GRIK2: variants seen among roughly 807,000 people sequenced by gnomAD.
GRIK2 encodes the protein glutamate ionotropic receptor kainate type subunit 2.
In GRIK2, 32 loss-of-function variants were observed where a neutral mutation model predicts 100.3. That is an observed-to-expected ratio of 0.32 (90% confidence interval 0.24 to 0.43). The LOEUF (loss-of-function observed/expected upper bound fraction) is 0.43. GRIK2 is among the 20% of genes least tolerant of loss of function. The pLI is 1.00. For synonymous variants in GRIK2, 417 were observed against 389.4 expected (o/e 1.07, Z -0.83); for missense variants, 843 against 1,114.9 (o/e 0.76, Z 3.47).
chr6:101,893,077 TA>T (rs924673810), intron 12 of GRIK2, among the ~76,000 whole-genome samples: 1 of 151,312 alleles, frequency 6.6e-6, no homozygotes, highest in Non-Finnish European at 1.5e-5. Context: ...CTTTGTAATT[TA>T]AATGGAATCA....
chr6:101,740,438 A>G (rs1775949504), intron 7 of GRIK2, among the ~76,000 whole-genome samples: 1 of 152,140 alleles, frequency 6.6e-6, no homozygotes, highest in Non-Finnish European at 1.5e-5. Context: ...GAAAAGGGGG[A>G]GAGGAGAACT....
rs186363928 is a variant in GRIK2 at position 101,600,260 on chromosome 6, T to C, written c.116-21689T>C. On this transcript the variant is annotated intron_variant, in intron 2 of 16. Coordinates refer to ENST00000369134, the MANE Select transcript of GRIK2 (RefSeq NM_021956.5). Reference sequence around the variant, plus strand: ...CTCCGTTCTTTTCCACTGGTCTTTGTGGCTGATTTTGTTCCAGTACCATGC... The same window carrying C: ...CTCCGTTCTTTTCCACTGGTCTTTGCGGCTGATTTTGTTCCAGTACCATGC... 2.6e-3 allele frequency among the ~76,000 whole-genome samples: 396 copies of C among 151,988 alleles called. 1 individual carries two copies. The highest frequency in any genetic ancestry group is 8.9e-3 in the African/African-American group (371 of 41,526).
At chr6:101,751,252 C>A (rs1234744158) in intron 7 of GRIK2, among the ~76,000 whole-genome samples, 2 of 148,224 alleles carry the variant, frequency 1.3e-5, no homozygotes, top group African/African-American at 2.5e-5. Context: ...TTCTAAATTT[C>A]TTTTTTTTTT....
At chr6:101,876,735 G>A (rs986825947) in intron 11 of GRIK2, among the ~76,000 whole-genome samples, 1 of 151,836 alleles carries the variant, frequency 6.6e-6, no homozygotes, top group African/African-American at 2.4e-5. Flanking sequence ...CTGGATGACT[G>A]CCAGAAATAG....
chr6:101,739,118 C>G lies in GRIK2; in HGVS notation c.951+52765C>G, dbSNP rs145246806. Among the ~76,000 whole-genome samples the G allele has an allele frequency of 2.0e-5, 3 of 152,254 alleles. No individual in the cohort carries two copies. In the East Asian group the frequency reaches 5.8e-4, roughly 29 times the overall value. ...TGATTAAATTATTTCTGGTTCTTGA[C>G]TATTTACAAAATGTCACAGTCACAG... On this transcript the variant is annotated intron_variant, in intron 7 of 16. Transcript: ENST00000369134.
intron 2 of GRIK2, among the ~76,000 whole-genome samples, chr6:101,598,710 C>A (rs1779049833): frequency 6.6e-6 from 1 of 150,546 alleles, no homozygotes; most frequent in Admixed American, 6.6e-5. Context: ...AGGACCACCA[C>A]AAGGAATTCA....
chr6:102,035,604 A>C, intron 15 of GRIK2, 38 bp downstream of exon 15: 1 of 1,237,264 alleles, frequency 8.1e-7, no homozygotes, highest in Non-Finnish European at 1.2e-6. Flanking sequence ...TTGTTCATTA[A>C]TCTGAGTTGC....
intron 7 of GRIK2, among the ~76,000 whole-genome samples, chr6:101,735,865 A>G (rs1246923053): frequency 6.6e-6 from 1 of 152,216 alleles, no homozygotes; most frequent in Non-Finnish European, 1.5e-5. Context: ...TTCACAATCG[A>G]AAGTCTCATC....
intron 14 of GRIK2, among the ~76,000 whole-genome samples, chr6:102,004,261 A>T: frequency 7.2e-6 from 1 of 138,596 alleles, no homozygotes; most frequent in Admixed American, 7.2e-5. Flanking sequence ...TGTCCCTTAT[A>T]TATCCATTTT....
chr6:101,489,839 C>T (rs890311498), intron 2 of GRIK2, among the ~76,000 whole-genome samples: 1 of 146,056 alleles, frequency 6.8e-6, no homozygotes, highest in African/African-American at 2.6e-5. Flanking sequence ...TCTTAGCAGC[C>T]TGAAATAAAA....
intron 2 of GRIK2, among the ~76,000 whole-genome samples, chr6:101,460,004 A>G (rs1771215304): frequency 6.6e-6 from 1 of 151,938 alleles, no homozygotes; most frequent in Non-Finnish European, 1.5e-5. Context: ...TGGTCTGCCC[A>G]CCTCGGCCTC....
At chr6:101,819,039 C>G (rs1006194377) in intron 10 of GRIK2, among the ~76,000 whole-genome samples, 3 of 152,142 alleles carry the variant, frequency 2.0e-5, no homozygotes, top group Non-Finnish European at 2.9e-5. Context: ...TCAGCACTGA[C>G]AGACTTAATA....
intron 2 of GRIK2, among the ~76,000 whole-genome samples, chr6:101,488,019 C>A (rs1395808658): frequency 6.8e-6 from 1 of 146,122 alleles, no homozygotes; most frequent in African/African-American, 2.6e-5. Flanking sequence ...TATAAAGTTA[C>A]AAGTCTTCAT....
chr6:101,982,496 G>C (rs1388652845), intron 14 of GRIK2, among the ~76,000 whole-genome samples: 1 of 151,678 alleles, frequency 6.6e-6, no homozygotes, highest in Non-Finnish European at 1.5e-5. Context: ...TTTCGGTTTT[G>C]TGTGAATCGT....
intron 2 of GRIK2, among the ~76,000 whole-genome samples, chr6:101,399,789 T>C (rs1225317156): frequency 6.6e-6 from 1 of 151,692 alleles, no homozygotes; most frequent in Admixed American, 6.6e-5. Context: ...GCGGGGCTGG[T>C]GAGTTAACAC....
At chr6:101,940,236 T>C (rs1389668492) in intron 14 of GRIK2, among the ~76,000 whole-genome samples, 1 of 152,090 alleles carries the variant, frequency 6.6e-6, no homozygotes, top group Non-Finnish European at 1.5e-5. Flanking sequence ...GATCACTGTT[T>C]GTGGCTTTTG....
intron 16 of GRIK2, among the ~76,000 whole-genome samples, chr6:102,065,552 TATTA>T (rs911539959): frequency 2.0e-5 from 3 of 151,366 alleles, no homozygotes; most frequent in Non-Finnish European, 4.4e-5. Flanking sequence ...ATAGGCAAAT[TATTA>T]ATTAACATTT....
chr6:101,876,303 A>G (rs73761455), intron 11 of GRIK2, among the ~76,000 whole-genome samples: 11,413 of 151,754 alleles, frequency 0.075, 1,106 homozygotes, highest in African/African-American at 0.23. Flanking sequence ...TTCTTACCTT[A>G]GGACCTAAAT....
chr6:101,592,473 T>G (rs1778697820), intron 2 of GRIK2, among the ~76,000 whole-genome samples: 1 of 151,046 alleles, frequency 6.6e-6, no homozygotes, highest in African/African-American at 2.4e-5. Context: ...GTAAAAAACT[T>G]CAGCTGAGGC....
Sources: gnomAD v4.1 joint callset for allele counts (sites outside exome capture counted in the v4.1 genomes callset) on GRCh38, gnomAD v4.1.1 for gene constraint, MANE v1.5 for transcripts, NCBI Gene and HGNC (gene_info 2026-07-23, HGNC 2026-07-21) for gene names.